Variants in LRRC8D observed in about 807,000 individuals in gnomAD.
LRRC8D encodes leucine rich repeat containing 8 VRAC subunit D.
In LRRC8D, 20 loss-of-function variants were observed where a neutral mutation model predicts 55.8. The ratio of observed to expected loss-of-function variants is 0.36; its 90% CI spans 0.25 to 0.52. The LOEUF (loss-of-function observed/expected upper bound fraction) is 0.52, where lower values mean the gene tolerates loss of function less well. Among genes scored for constraint, LRRC8D ranks in the 20% least tolerant of loss-of-function variants. The pLI, the probability that LRRC8D is intolerant of heterozygous loss-of-function variation, is 0.93. For missense variants in LRRC8D, 651 were observed against 1,030.8 expected, an observed-to-expected ratio of 0.63 and a Z score of 5.05; for synonymous variants, 352 against 377.0, an observed-to-expected ratio of 0.93 and a Z score of 0.77.
chr1:89,860,660 A>G (rs1219041782), intron 2 of LRRC8D, among the ~76,000 whole-genome samples: 1 of 144,374 alleles, frequency 6.9e-6, no homozygotes, highest in Non-Finnish European at 1.5e-5. Flanking sequence ...TGGGAGTCTG[A>G]GGCAGGAGAA....
At position 89,935,168 on chromosome 1, in the gene LRRC8D, C is replaced by T. The variant is rs1216305414; in HGVS notation, c.2100C>T (p.Pro700=). 5 of 1,614,194 alleles carry T rather than the reference C, an allele frequency of 3.1e-6. No homozygotes were observed. The Middle Eastern group carries it at 8.2e-4, about 266-fold the overall frequency. The change falls in exon 3 of 3, where the codon CCC becomes CCT. Residue 700 remains proline, a synonymous_variant. Coordinates refer to ENST00000337338, the MANE Select transcript of LRRC8D (RefSeq NM_001134479.2). ...LWHNKIVTIP[P]SITHVKNLES... Reference sequence around the variant, plus strand: ...ATAACAAAATTGTTACTATTCCTCCCTCTATTACCCATGTCAAAAACTTGG... The same window carrying T: ...ATAACAAAATTGTTACTATTCCTCCTTCTATTACCCATGTCAAAAACTTGG...
In LRRC8D at chr1:89,934,259, C is replaced by G; in HGVS notation, c.1191C>G (p.Phe397Leu). The G allele has an allele frequency of 6.2e-7, 1 of 1,614,078 alleles. No homozygotes were observed. Among genetic ancestry groups the G allele is most frequent in the Non-Finnish European group, 8.5e-7 (1 of 1,180,002 alleles). Reference protein sequence around the residue: ...LFRIPLKEYSFEKVREESSFS... With the variant: ...LFRIPLKEYSLEKVREESSFS... ...GGATACCTTTGAAGGAATATTCTTT[C>G]GAAAAAGTCAGAGAAGAGAGCAGTT... Residue 397 changes from phenylalanine (F) to leucine (L), a missense_variant, in exon 3 of 3, where the codon TTC becomes TTG. Phe to Leu is a conservative substitution (Grantham distance 22). Coordinates refer to ENST00000337338, the MANE Select transcript of LRRC8D (RefSeq NM_001134479.2). This position sits in a 1 kb window ranked among gnomAD's most constrained non-coding sequence, Gnocchi z 5.9.
rs139386561 is a variant in LRRC8D at position 89,823,478 on chromosome 1, T to C, written c.-148+2187T>C. Among the ~76,000 whole-genome samples, 937 of 152,376 alleles carry C rather than the reference T, an allele frequency of 6.1e-3. 5 individuals carry two copies. The highest frequency in any genetic ancestry group is 0.022 in the African/African-American group (899 of 41,590). Reference sequence around the variant, plus strand: ...AATAGTTAAATTGTTTTGGTAGCTATAGTTTGGAAATTAGACTCGATTCTG... The same window carrying C: ...AATAGTTAAATTGTTTTGGTAGCTACAGTTTGGAAATTAGACTCGATTCTG... On this transcript the variant is annotated intron_variant, in intron 1 of 2. Transcript: ENST00000337338.
intron 2 of LRRC8D, among the ~76,000 whole-genome samples, chr1:89,855,332 C>T (rs892941127): frequency 2.0e-5 from 3 of 152,106 alleles, no homozygotes; most frequent in Admixed American, 6.5e-5. Context: ...TGTCTGAGCC[C>T]CCTTTTAAGA....
chr1:89,916,373 A>G (rs1044863165), intron 2 of LRRC8D, among the ~76,000 whole-genome samples: 2 of 152,346 alleles, frequency 1.3e-5, no homozygotes, highest in African/African-American at 4.8e-5. Context: ...TGTTTGTTTT[A>G]TCAAATCCTT....
intron 1 of LRRC8D, among the ~76,000 whole-genome samples, chr1:89,831,471 C>T (rs1045858248): frequency 2.6e-5 from 4 of 151,854 alleles, no homozygotes; most frequent in Admixed American, 6.6e-5. Context: ...GGGACACACA[C>T]AGAGAGAGAA....
At chr1:89,875,460 A>G (rs938827413) in intron 2 of LRRC8D, among the ~76,000 whole-genome samples, 13 of 152,154 alleles carry the variant, frequency 8.5e-5, no homozygotes, top group African/African-American at 2.7e-4. Flanking sequence ...TGAAGACCAT[A>G]TAGTAGATGA....
chr1:89,909,712 A>T lies in LRRC8D; in HGVS notation c.-2-23355A>T, dbSNP rs181946005. 3.4e-3 allele frequency among the ~76,000 whole-genome samples: 512 copies of T among 152,126 alleles called. 7 individuals are homozygous for T. Among genetic ancestry groups the T allele is most frequent in the African/African-American group, 0.012 (488 of 41,508 alleles). ...AAACCCCGTCTCTACTAAAAATACAAAAACTTAGCCAAGCGTGGTGGCGGG... is the reference window on the plus strand; with the variant it reads ...AAACCCCGTCTCTACTAAAAATACATAAACTTAGCCAAGCGTGGTGGCGGG... On this transcript the variant is annotated intron_variant, in intron 2 of 2. Coordinates refer to ENST00000337338, the MANE Select transcript of LRRC8D (RefSeq NM_001134479.2).
At chr1:89,834,065 C>T (rs761153201) in intron 1 of LRRC8D, among the ~76,000 whole-genome samples, 5 of 152,118 alleles carry the variant, frequency 3.3e-5, no homozygotes, top group South Asian at 2.1e-4. Flanking sequence ...GGGACACTGA[C>T]GGGGTTTGTT....
Position 89,934,282 on chromosome 1 carries a change from G to C in LRRC8D, c.1214G>C (p.Ser405Thr), listed in dbSNP as rs1307213346. 1.2e-6 allele frequency: 2 copies of C among 1,614,154 alleles called. No homozygotes were observed. The highest frequency in any genetic ancestry group is 4.5e-5 in the East Asian group (2 of 44,886). The change falls in exon 3 of 3, where the codon AGT (serine) becomes ACT (threonine). Residue 405 changes from serine (S) to threonine (T), a missense_variant. Transcript: ENST00000337338. This position sits in a 1 kb window ranked among gnomAD's most constrained non-coding sequence, Gnocchi z 5.9. ...YSFEKVREES[S>T]FSDIPDVKND... ...TTCGAAAAAGTCAGAGAAGAGAGCA[G>C]TTTTAGTGACATTCCAGATGTCAAA... is the stretch of plus-strand genomic sequence containing the variant.
intron 2 of LRRC8D, among the ~76,000 whole-genome samples, chr1:89,859,358 C>T (rs1661641022): frequency 6.6e-6 from 1 of 151,832 alleles, no homozygotes; most frequent in South Asian, 2.1e-4. Flanking sequence ...ACTATCTTAA[C>T]ACATTTATCT....
intron 2 of LRRC8D, among the ~76,000 whole-genome samples, chr1:89,900,310 T>C (rs934127557): frequency 2.5e-4 from 38 of 152,276 alleles, no homozygotes; most frequent in Admixed American, 2.2e-3. Flanking sequence ...TGGTGTTTTA[T>C]TCAATTCTTG....
intron 2 of LRRC8D, among the ~76,000 whole-genome samples, chr1:89,844,077 C>T (rs1661213482): frequency 6.6e-6 from 1 of 152,194 alleles, no homozygotes; most frequent in South Asian, 2.1e-4. Flanking sequence ...GGGAGTCTTC[C>T]TGGAGTCCCC....
At chr1:89,879,296 T>G (rs1405340679) in intron 2 of LRRC8D, among the ~76,000 whole-genome samples, 1 of 152,240 alleles carries the variant, frequency 6.6e-6, no homozygotes, top group East Asian at 1.9e-4. Context: ...AATTATCAAT[T>G]TCCTGGGGGT....
At chr1:89,925,589 C>T (rs1327732383) in intron 2 of LRRC8D, among the ~76,000 whole-genome samples, 1 of 152,070 alleles carries the variant, frequency 6.6e-6, no homozygotes. Context: ...ACACCCTGAA[C>T]CTAAAATAAG....
intron 2 of LRRC8D, among the ~76,000 whole-genome samples, chr1:89,861,645 G>C (rs1246437439): frequency 6.6e-6 from 1 of 152,156 alleles, no homozygotes; most frequent in Non-Finnish European, 1.5e-5. Context: ...TGGCATATGG[G>C]CATCCCTGAA....
At chr1:89,908,101 G>GTGA (rs370191942) in intron 2 of LRRC8D, among the ~76,000 whole-genome samples, 129 of 152,104 alleles carry the variant, frequency 8.5e-4, no homozygotes, top group South Asian at 1.7e-3. Flanking sequence ...ATTCATAATA[G>GTGA]TGATGATGAT....
At chr1:89,903,039 T>C (rs557026984) in intron 2 of LRRC8D, among the ~76,000 whole-genome samples, 2 of 152,318 alleles carry the variant, frequency 1.3e-5, no homozygotes, top group East Asian at 3.9e-4. Context: ...CCACAACCTC[T>C]GAGGTGAGTG....
At chr1:89,924,717 A>G (rs1273680628) in intron 2 of LRRC8D, among the ~76,000 whole-genome samples, 1 of 152,206 alleles carries the variant, frequency 6.6e-6, no homozygotes, top group African/African-American at 2.4e-5. Flanking sequence ...CATATACACC[A>G]TGGAATACTA....
Sources: gnomAD v4.1 joint callset for allele counts (sites outside exome capture counted in the v4.1 genomes callset) on GRCh38, gnomAD v4.1.1 for gene constraint, Gnocchi (gnomAD v3.1) non-coding constraint, MANE v1.5 for transcripts, NCBI Gene and HGNC (gene_info 2026-07-23, HGNC 2026-07-21) for gene names.